The following DNAJC13 variants were observed in gnomAD, a reference collection of about 807,000 sequenced individuals.
DNAJC13 encodes the protein DnaJ heat shock protein family (Hsp40) member C13.
DNAJC13 carries 75 observed loss-of-function variants against 290.5 expected under a neutral mutation model. The observed-to-expected ratio is 0.26, with a 90% CI of 0.21 to 0.31. The LOEUF (loss-of-function observed/expected upper bound fraction) is 0.31, where lower values mean the gene tolerates loss of function less well. DNAJC13 is among the 10% of genes least tolerant of loss of function. The pLI is 1.00. For synonymous variants in DNAJC13, 862 were observed against 892.0 expected, an observed-to-expected ratio of 0.97 and a Z score of 0.60; for missense variants, 2,260 against 2,674.5, an observed-to-expected ratio of 0.85 and a Z score of 3.42.
At chr3:132,438,812 C>T (rs1054175536) in intron 2 of DNAJC13, among the ~76,000 whole-genome samples, 3 of 152,116 alleles carry the variant, frequency 2.0e-5, no homozygotes, top group Non-Finnish European at 2.9e-5. Context: ...GCTTCTTCTG[C>T]GCTTTTCATT....
chr3:132,462,339 G>A, intron 15 of DNAJC13, 128 bp from the exon 16 acceptor site: 1 of 790,840 alleles, frequency 1.3e-6, no homozygotes, highest in Non-Finnish European at 2.0e-6. Flanking sequence ...ACTTTGAGAT[G>A]TATCCTTTAC....
chr3:132,514,699 C>T (rs1935871151), intron 46 of DNAJC13, 29 bp downstream of exon 46: 1 of 1,530,768 alleles, frequency 6.5e-7, no homozygotes, highest in Non-Finnish European at 9.0e-7. Flanking sequence ...TTTTGGAAAC[C>T]ACAGCAAGAT....
chr3:132,453,531 A>C (rs769650097), intron 7 of DNAJC13, 27 bp downstream of exon 7: 1 of 1,610,248 alleles, frequency 6.2e-7, no homozygotes. Context: ...AAAAATGAAA[A>C]TTTGTTCACC....
At chr3:132,423,231 A>C (rs1939007897) in intron 1 of DNAJC13, among the ~76,000 whole-genome samples, 1 of 152,130 alleles carries the variant, frequency 6.6e-6, no homozygotes, top group Admixed American at 6.5e-5. Context: ...GTGAGCTATG[A>C]TTGTGTTGCT....
chr3:132,513,248 GAATT>G, intron 45 of DNAJC13, 149 bp downstream of exon 45: 1 of 635,012 alleles, frequency 1.6e-6, no homozygotes, highest in Non-Finnish European at 2.8e-6. Context: ...TTTGAAATTT[GAATT>G]AACATGCTCA....
chr3:132,458,990 C>T (rs1470212673), intron 13 of DNAJC13, among the ~76,000 whole-genome samples: 3 of 152,090 alleles, frequency 2.0e-5, no homozygotes, highest in Admixed American at 6.5e-5. Flanking sequence ...CTTAACAGGC[C>T]TTGTCAAGCT....
At chr3:132,483,629 C>A in intron 28 of DNAJC13, 52 bp downstream of exon 28, 3 of 1,531,758 alleles carry the variant, frequency 2.0e-6, no homozygotes, top group Non-Finnish European at 2.7e-6. Context: ...TCCTTAGTAA[C>A]AGCATAGAAT....
chr3:132,480,414 G>C lies in DNAJC13; in HGVS notation c.2818G>C (p.Val940Leu). 3 of 1,613,634 alleles carry C rather than the reference G, an allele frequency of 1.9e-6. No homozygotes were observed. The highest frequency in any genetic ancestry group is 2.5e-6 in the Non-Finnish European group (3 of 1,179,698). ...LMDSNGIRIL[V>L]DLLTLAHLHV... ...GGATTCAAATGGAATAAGAATCCTTGTGGACTTGCTTACCCTTGCACATCT... is the reference window on the plus strand; with the variant it reads ...GGATTCAAATGGAATAAGAATCCTTCTGGACTTGCTTACCCTTGCACATCT... The change falls in exon 26 of 56, where the codon GTG becomes CTG. Residue 940 changes from valine to leucine, a missense_variant. Transcript: ENST00000260818.
Position 132,513,093 on chromosome 3 carries a change from T to C in DNAJC13, c.5379T>C (p.Ala1793=), listed in dbSNP as rs1274581033. ...GAGCTGGTCAAGTGCAGCAGTTGGC[T>C]TTAGAGGTAAAAGCGTTTTGTACTA... ...VHGAGQVQQL[A]LEVVNIVTSN... is the part of the protein sequence containing the mutation. Residue 1793 remains alanine, a synonymous_variant, in exon 45 of 56, where the codon GCT becomes GCC. Transcript: ENST00000260818. The C allele has an allele frequency of 1.9e-6, 3 of 1,612,998 alleles. No individual in the cohort carries two copies. The South Asian group carries it at 3.3e-5, about 18-fold the overall frequency.
chr3:132,475,040 A>G lies in DNAJC13; in HGVS notation c.2400A>G (p.Glu800=). 1 of 1,611,240 alleles carries G rather than the reference A, an allele frequency of 6.2e-7. No individual in the cohort carries two copies. The highest frequency in any genetic ancestry group is 8.5e-7 in the Non-Finnish European group (1 of 1,178,668). ...SEMRAFNIDR[E]LGSANVISWN... is the part of the protein sequence containing the mutation. ...TGAGAGCATTTAATATTGACAGAGA[A>G]CTTGGAAGTGCAAATGTGATCTCCT... Residue 800 remains glutamate, a synonymous_variant, in exon 22 of 56, where the codon GAA becomes GAG. Transcript: ENST00000260818.
chr3:132,463,149 TCTC>T (rs1933860167), intron 16 of DNAJC13, among the ~76,000 whole-genome samples: 1 of 152,198 alleles, frequency 6.6e-6, no homozygotes, highest in Non-Finnish European at 1.5e-5. Context: ...TTGAAGAAAG[TCTC>T]CTTTTACCAA....
intron 2 of DNAJC13, among the ~76,000 whole-genome samples, chr3:132,444,741 T>A (rs1365217193): frequency 6.6e-6 from 1 of 152,216 alleles, no homozygotes; most frequent in Non-Finnish European, 1.5e-5. Context: ...TTGTTTTAGT[T>A]CCTATTAATT....
rs546657777 is a variant in DNAJC13, at chr3:132,536,608, C to T, written c.6626-1568C>T. 2.0e-5 allele frequency among the ~76,000 whole-genome samples: 3 copies of T among 152,292 alleles called. No individual in the cohort carries two copies. In the East Asian group the frequency reaches 5.8e-4, roughly 29 times the overall value. ...ACAGTCTGGAGTGTTTGAGGTCTTACTGTTAAGGGTTACATCTTTGATGAC... is the reference window on the plus strand; with the variant it reads ...ACAGTCTGGAGTGTTTGAGGTCTTATTGTTAAGGGTTACATCTTTGATGAC... On this transcript the variant is annotated intron_variant, in intron 55 of 55. Transcript: ENST00000260818.
chr3:132,454,200 G>A (rs753761171), intron 9 of DNAJC13, 43 bp downstream of exon 9: 1 of 1,395,852 alleles, frequency 7.2e-7, no homozygotes, highest in South Asian at 1.3e-5. Flanking sequence ...AGTTGTGCAA[G>A]GCAAAGTGCT....
rs528458683 is a variant in DNAJC13, at chr3:132,476,210, T to G, written c.2445+1125T>G. Among the ~76,000 whole-genome samples, 5 of 152,352 alleles carry G rather than the reference T, an allele frequency of 3.3e-5. No homozygotes were observed. In the East Asian group the frequency reaches 9.6e-4, roughly 29 times the overall value. On this transcript the variant is annotated intron_variant, in intron 22 of 55. Coordinates refer to ENST00000260818, the MANE Select transcript of DNAJC13 (RefSeq NM_015268.4). The stretch of plus-strand genomic sequence containing the variant: ...CTTGCTTCGACTTTTAGCCCTAGAC[T>G]TCATACTTCTATCTCATAATTGGAT...
At chr3:132,500,041 C>T (rs1183158205) in intron 38 of DNAJC13, among the ~76,000 whole-genome samples, 1 of 152,204 alleles carries the variant, frequency 6.6e-6, no homozygotes, top group Non-Finnish European at 1.5e-5. Flanking sequence ...AGAAACTGTA[C>T]TAAAGCACTT....
At chr3:132,429,026 C>A (rs1199238151) in intron 1 of DNAJC13, among the ~76,000 whole-genome samples, 1 of 152,064 alleles carries the variant, frequency 6.6e-6, no homozygotes, top group Non-Finnish European at 1.5e-5. Flanking sequence ...AGCTACGGCG[C>A]CCAGCCAAAA....
At chr3:132,452,448 C>G (rs140105474) in intron 6 of DNAJC13, among the ~76,000 whole-genome samples, 1 of 152,276 alleles carries the variant, frequency 6.6e-6, no homozygotes, top group African/African-American at 2.4e-5. Flanking sequence ...TGTTTCTCAG[C>G]AGGGGAGCTG....
intron 2 of DNAJC13, among the ~76,000 whole-genome samples, chr3:132,434,838 A>G (rs980329566): frequency 1.3e-5 from 2 of 152,210 alleles, no homozygotes; most frequent in African/African-American, 4.8e-5. Context: ...GTAAGAATTA[A>G]AAGTGACAGT....
Sources: gnomAD v4.1 joint callset for allele counts (sites outside exome capture counted in the v4.1 genomes callset) on GRCh38, gnomAD v4.1.1 for gene constraint, MANE v1.5 for transcripts, NCBI Gene and HGNC (gene_info 2026-07-23, HGNC 2026-07-21) for gene names.